The following BHMT variants were observed in gnomAD, a reference collection of about 807,000 sequenced individuals.
BHMT encodes the protein betaine--homocysteine S-methyltransferase.
In BHMT, 38 loss-of-function variants were observed where a neutral mutation model predicts 49.5. The observed-to-expected ratio is 0.77, with a 90% CI of 0.59 to 1.01. BHMT has a LOEUF of 1.01. Ranked by LOEUF, BHMT falls within the 50% of genes least tolerant of loss-of-function variation. The pLI is 0.00. For synonymous variants in BHMT, 166 were observed against 176.3 expected (o/e 0.94, Z 0.46); for missense variants, 426 against 495.7 (o/e 0.86, Z 1.34).
intron 1 of BHMT, among the ~76,000 whole-genome samples, chr5:79,112,120 C>T (rs1371090200): frequency 2.0e-5 from 3 of 152,180 alleles, no homozygotes; most frequent in Non-Finnish European, 4.4e-5. Context: ...CCTCCCCACT[C>T]CTGCCCCACG....
In BHMT at chr5:79,121,337, C is replaced by T. The variant is rs748661009; in HGVS notation, c.597C>T (p.Gly199=). 4 of 1,614,142 alleles carry T rather than the reference C, an allele frequency of 2.5e-6. No individual in the cohort carries two copies. Among genetic ancestry groups the T allele is most frequent in the East Asian group, 2.2e-5 (1 of 44,880 alleles). The part of the protein sequence containing the change: ...PEGDLHGVPP[G]ECAVRLVKAG... ...GAGATTTGCATGGCGTGCCCCCCGG[C>T]GAGTGTGCAGTGCGCCTGGTGAAAG... is the stretch of plus-strand genomic sequence containing the variant. Residue 199 remains glycine, a synonymous_variant, in exon 5 of 8, where the codon GGC becomes GGT. Transcript: ENST00000274353.
chr5:79,127,814 A>G lies in BHMT; in HGVS notation c.868A>G (p.Asn290Asp). 1.2e-6 allele frequency: 2 copies of G among 1,614,178 alleles called. No homozygotes were observed. The highest frequency in any genetic ancestry group is 1.7e-6 in the Non-Finnish European group (2 of 1,180,016). Reference protein sequence around the residue: ...DIQKYAREAYNLGVRYIGGCC... With the variant: ...DIQKYAREAYDLGVRYIGGCC... ...TCAAAAATACGCCAGAGAGGCCTAC[A>G]ACCTGGGGGTCAGGTACATTGGCGG... The change falls in exon 7 of 8, where the codon AAC (asparagine) becomes GAC (aspartate). Residue 290 changes from asparagine (N) to aspartate (D), a missense_variant. Asn to Asp is a conservative substitution (Grantham distance 23, BLOSUM62 1). Coordinates refer to ENST00000274353, the MANE Select transcript of BHMT (RefSeq NM_001713.3).
At position 79,121,203 on chromosome 5, in the gene BHMT, C is replaced by G; in HGVS notation, c.478-15C>G. ...GAAACGAGATTAAAAGTACTCTAAC[C>G]TTAACTGATTCCAGTATTTTGAACA... On this transcript the variant is annotated splice_polypyrimidine_tract_variant and intron_variant, in intron 4 of 7. Coordinates refer to ENST00000274353, the MANE Select transcript of BHMT (RefSeq NM_001713.3). 1 of 1,613,082 alleles carries G rather than the reference C, an allele frequency of 6.2e-7. No individual in the cohort carries two copies. Among genetic ancestry groups the G allele is most frequent in the East Asian group, 2.2e-5 (1 of 44,836 alleles).
chr5:79,119,964 A>G (rs949635023), intron 3 of BHMT, among the ~76,000 whole-genome samples: 7 of 152,202 alleles, frequency 4.6e-5, no homozygotes, highest in Non-Finnish European at 1.0e-4. Context: ...CCTGAATTCT[A>G]CAGGTATTTA....
At chr5:79,119,647 C>T in intron 3 of BHMT, 1 of 292,290 alleles carries the variant, frequency 3.4e-6, no homozygotes, top group East Asian at 7.0e-5. Flanking sequence ...GTAAATTGGG[C>T]AACCTTACAA....
At position 79,131,350 on chromosome 5, in the gene BHMT, A is replaced by G; in HGVS notation, c.*234A>G. On this transcript the variant is annotated 3_prime_UTR_variant, in exon 8 of 8. Coordinates refer to ENST00000274353, the MANE Select transcript of BHMT (RefSeq NM_001713.3). ...TAAATCTTGAACAGGTTCACTAAGCACCCACCCTGTGAAAAGTATTATGGA... is the reference window on the plus strand; with the variant it reads ...TAAATCTTGAACAGGTTCACTAAGCGCCCACCCTGTGAAAAGTATTATGGA... 2.4e-6 allele frequency: 1 copy of G among 418,488 alleles called. No individual in the cohort carries two copies. The highest frequency in any genetic ancestry group is 4.2e-6 in the Non-Finnish European group (1 of 236,038). The allele number at this position is 418,488 out of a possible 1,614,324, so 25.9% of individuals were successfully genotyped here.
At chr5:79,116,901 A>G (rs535801226) in intron 2 of BHMT, among the ~76,000 whole-genome samples, 3 of 152,328 alleles carry the variant, frequency 2.0e-5, no homozygotes, top group East Asian at 3.9e-4. Context: ...AGTAGGTGAA[A>G]GGATACTCAA....
chr5:79,122,278 T>C (rs1756484776), intron 5 of BHMT, among the ~76,000 whole-genome samples: 1 of 152,150 alleles, frequency 6.6e-6, no homozygotes, highest in East Asian at 1.9e-4. Flanking sequence ...TATCAATATC[T>C]TTGATATGTT....
intron 7 of BHMT, among the ~76,000 whole-genome samples, chr5:79,128,528 T>TAAAAAA (rs376054592): frequency 3.8e-5 from 5 of 132,990 alleles, no homozygotes; most frequent in East Asian, 2.3e-4. Flanking sequence ...AGACCCTGTT[T>TAAAAAA]TAAAAAAAAA....
intron 7 of BHMT, among the ~76,000 whole-genome samples, chr5:79,130,324 T>A (rs1179762394): frequency 6.6e-6 from 1 of 152,192 alleles, no homozygotes; most frequent in African/African-American, 2.4e-5. Context: ...AGAAATCACA[T>A]CAGTTTTTAC....
intron 2 of BHMT, among the ~76,000 whole-genome samples, chr5:79,116,651 G>C (rs1433538301): frequency 6.6e-6 from 1 of 152,134 alleles, no homozygotes; most frequent in Non-Finnish European, 1.5e-5. Flanking sequence ...GTTTGCTGTG[G>C]AATTTTAAAA....
intron 6 of BHMT, among the ~76,000 whole-genome samples, chr5:79,126,904 T>C (rs73769977): frequency 0.024 from 3,616 of 152,280 alleles, 131 homozygotes; most frequent in African/African-American, 0.078. Context: ...CCCAGCCTCC[T>C]ATTTCCTTCT....
chr5:79,125,997 G>A, intron 5 of BHMT, 49 bp from the exon 6 acceptor site: 1 of 1,542,694 alleles, frequency 6.5e-7, no homozygotes, highest in South Asian at 1.2e-5. Flanking sequence ...AGCTGGCCCT[G>A]CTGGTTTCTG....
At chr5:79,118,843 G>A (rs571064399) in intron 2 of BHMT, among the ~76,000 whole-genome samples, 1 of 152,312 alleles carries the variant, frequency 6.6e-6, no homozygotes, top group Middle Eastern at 3.4e-3. Context: ...CTTGCCCCAT[G>A]TCCTGGGTAG....
Position 79,131,377 on chromosome 5 carries a change from A to G in BHMT, c.*261A>G. 1 of 363,036 alleles carries G rather than the reference A, an allele frequency of 2.8e-6. No homozygotes were observed. The highest frequency in any genetic ancestry group is 5.0e-6 in the Non-Finnish European group (1 of 201,868). 22.5% of individuals were successfully genotyped at this position (363,036 alleles called of 1,614,324 possible). ...CCACCCTGTGAAAAGTATTATGGAAATCACTGCTGCACAGGAAAAGTAATT... is the reference window on the plus strand; with the variant it reads ...CCACCCTGTGAAAAGTATTATGGAAGTCACTGCTGCACAGGAAAAGTAATT... On this transcript the variant is annotated 3_prime_UTR_variant, in exon 8 of 8. Transcript: ENST00000274353.
Position 79,127,932 on chromosome 5 carries a change from G to A in BHMT, c.986G>A (p.Gly329Asp), listed in dbSNP as rs1756577003. The A allele has an allele frequency of 6.2e-7, 1 of 1,614,146 alleles. No individual in the cohort carries two copies. ...GFLPPASEKH[G>D]SWGSGLDMHT... ...TTGCCACCAGCTTCAGAAAAACATG[G>A]CAGCTGGGGAAGTGGTTTGGACATG... The change falls in exon 7 of 8, where the codon GGC (glycine) becomes GAC (aspartate). Residue 329 changes from glycine to aspartate, a missense_variant. By Grantham distance (94) the Gly-to-Asp change is moderately conservative. Around this residue, in one of 3 missense-constraint regions of BHMT, gnomAD observed 32 missense variants for 71.6 expected, o/e 0.45. Transcript: ENST00000274353.
At chr5:79,115,527 T>C (rs1012052853) in intron 1 of BHMT, among the ~76,000 whole-genome samples, 9 of 152,024 alleles carry the variant, frequency 5.9e-5, no homozygotes, top group Admixed American at 1.3e-4. Context: ...CTCTTTAACG[T>C]GTTAAGAAAG....
chr5:79,125,031 A>G (rs1756528666), intron 5 of BHMT, among the ~76,000 whole-genome samples: 1 of 152,248 alleles, frequency 6.6e-6, no homozygotes, highest in African/African-American at 2.4e-5. Context: ...AGCAAGCAGT[A>G]TGGTAAACAC....
rs541432664 is a variant in BHMT at position 79,118,044 on chromosome 5, G to A, written c.167-1215G>A. 1.3e-3 allele frequency among the ~76,000 whole-genome samples: 192 copies of A among 152,244 alleles called. 4 individuals are homozygous for A. The highest frequency in any genetic ancestry group is 3.5e-4 in the Non-Finnish European group (24 of 68,028). The stretch of plus-strand genomic sequence containing the variant: ...ATCTGTGGATTTGACATTCCAATCC[G>A]TAATTTTAATTTGCAGGGGATCTAA... On this transcript the variant is annotated intron_variant, in intron 2 of 7. Coordinates refer to ENST00000274353, the MANE Select transcript of BHMT (RefSeq NM_001713.3).
Sources: allele counts gnomAD v4.1 joint callset (sites outside exome capture counted in the v4.1 genomes callset), GRCh38; gene constraint gnomAD v4.1.1; regional missense constraint gnomAD v4.1.1; transcripts MANE v1.5; gene names NCBI Gene and HGNC (gene_info 2026-07-23, HGNC 2026-07-21).